Variants in NUDT5 observed in about 807,000 individuals in gnomAD.
NUDT5 encodes nudix hydrolase 5.
A neutral mutation model predicts 34.1 loss-of-function variants in NUDT5; 21 were observed. That is an observed-to-expected ratio of 0.62 (90% CI 0.44 to 0.89). NUDT5 has a LOEUF of 0.89. Ranked by LOEUF, NUDT5 falls within the 40% of genes least tolerant of loss-of-function variation. The pLI, the probability that NUDT5 is intolerant of heterozygous loss-of-function variation, is 0.00. For missense variants in NUDT5, 249 were observed against 274.8 expected, an observed-to-expected ratio of 0.91 and a Z score of 0.66; for synonymous variants, 85 against 97.6, an observed-to-expected ratio of 0.87 and a Z score of 0.76.
rs1386697193 is a variant in NUDT5, at chr10:12,184,937, C to G, written c.83G>C (p.Trp28Ser). Residue 28 changes from tryptophan (W) to serine (S), a missense_variant, in exon 3 of 10, where the codon TGG becomes TCG. By Grantham distance (177) the Trp-to-Ser change is radical. Transcript: ENST00000491614. ...ISEELISEGKWVKLEKTTYMD... is the reference protein window; with the variant it reads ...ISEELISEGKSVKLEKTTYMD... ...GTACGTTGTTTTTTCAAGCTTGACCCATTTTCCTTCTGAAATTAACTAAAA... is the reference window on the plus strand; with the variant it reads ...GTACGTTGTTTTTTCAAGCTTGACCGATTTTCCTTCTGAAATTAACTAAAA... The G allele has an allele frequency of 6.3e-7, 1 of 1,576,042 alleles. No individual in the cohort carries two copies. The highest frequency in any genetic ancestry group is 8.7e-7 in the Non-Finnish European group (1 of 1,149,506).
rs1554803754 is a variant in NUDT5, at chr10:12,187,340, CACTT to C, written c.-41-1012_-41-1009del. Among the ~76,000 whole-genome samples, 1 of 152,188 alleles carries C rather than the reference CACTT, an allele frequency of 6.6e-6. No homozygotes were observed. Among genetic ancestry groups the C allele is most frequent in the Non-Finnish European group, 1.5e-5 (1 of 68,030 alleles). On this transcript the variant is annotated intron_variant, in intron 1 of 9. Transcript: ENST00000491614. The surrounding 1 kb of genome is among the most constrained non-coding windows in gnomAD (Gnocchi z 5.4). ...GCATGAGCCACTGGACCCACCTCCC[CACTT>C]ACTTTTAAGTTTCAGCATGTATCAA...
At chr10:12,193,314 A>C (rs954638835) in intron 1 of NUDT5, among the ~76,000 whole-genome samples, 1 of 152,238 alleles carries the variant, frequency 6.6e-6, no homozygotes, top group Non-Finnish European at 1.5e-5. Flanking sequence ...AGGTGATAGC[A>C]GACATCCAGA....
Position 12,181,368 on chromosome 10 carries a change from C to T in NUDT5, c.132-2236G>A, listed in dbSNP as rs938260673. Among the ~76,000 whole-genome samples the T allele has an allele frequency of 6.6e-6, 1 of 152,194 alleles. No individual in the cohort carries two copies. Among genetic ancestry groups the T allele is most frequent in the Non-Finnish European group, 1.5e-5 (1 of 68,022 alleles). ...GTCCTGGAACCAACCCCGACAGACA[C>T]CAAGTGACAGCTGTACAGGTTGAGT... is the stretch of plus-strand genomic sequence containing the variant. On this transcript the variant is annotated intron_variant, in intron 3 of 9. Coordinates refer to ENST00000491614, the MANE Select transcript of NUDT5 (RefSeq NM_014142.4). This position sits in a 1 kb window ranked among gnomAD's most constrained non-coding sequence, Gnocchi z 5.0.
chr10:12,185,012 T>A, intron 2 of NUDT5, 56 bp from the exon 3 acceptor site: 1 of 912,578 alleles, frequency 1.1e-6, no homozygotes, highest in Non-Finnish European at 1.8e-6. Flanking sequence ...TGTTTTTATC[T>A]AAAAGGGTTT....
rs1048347816 is a variant in NUDT5, at chr10:12,182,105, G to A, written c.131+2784C>T. Among the ~76,000 whole-genome samples, 3 of 151,658 alleles carry A rather than the reference G, an allele frequency of 2.0e-5. No homozygotes were observed. Among genetic ancestry groups the A allele is most frequent in the Non-Finnish European group, 4.4e-5 (3 of 67,932 alleles). ...GACCACACCATTGCACTCTAGCCTGGGCAACAGAACAAGACTCTGTCTCAG... is the reference window on the plus strand; with the variant it reads ...GACCACACCATTGCACTCTAGCCTGAGCAACAGAACAAGACTCTGTCTCAG... On this transcript the variant is annotated intron_variant, in intron 3 of 9. Transcript: ENST00000491614. The surrounding 1 kb of genome is among the most constrained non-coding windows in gnomAD (Gnocchi z 4.3).
intron 2 of NUDT5, among the ~76,000 whole-genome samples, chr10:12,185,849 TTA>T (rs1564426557): frequency 8.5e-5 from 13 of 152,208 alleles, no homozygotes; most frequent in Admixed American, 2.0e-4. Flanking sequence ...TAGACTACAA[TTA>T]ACAACGTAGG....
rs1004526289 is a variant in NUDT5 at position 12,182,963 on chromosome 10, T to C, written c.131+1926A>G. On this transcript the variant is annotated intron_variant, in intron 3 of 9. Transcript: ENST00000491614. The surrounding 1 kb of genome is among the most constrained non-coding windows in gnomAD (Gnocchi z 4.3). ...TGTTGGCCAGGCTGGTCTCGAACTCTTGACCTCAAGTGATCCACCCACCTT... is the reference window on the plus strand; with the variant it reads ...TGTTGGCCAGGCTGGTCTCGAACTCCTGACCTCAAGTGATCCACCCACCTT... Among the ~76,000 whole-genome samples the C allele has an allele frequency of 6.6e-6, 1 of 152,128 alleles. No individual in the cohort carries two copies. The highest frequency in any genetic ancestry group is 1.5e-5 in the Non-Finnish European group (1 of 68,006).
intron 2 of NUDT5, among the ~76,000 whole-genome samples, chr10:12,185,330 C>A (rs1835108277): frequency 6.6e-6 from 1 of 152,202 alleles, no homozygotes; most frequent in Non-Finnish European, 1.5e-5. Flanking sequence ...GCATACAACA[C>A]AGGTGAGTTT....
intron 1 of NUDT5, among the ~76,000 whole-genome samples, chr10:12,194,879 A>G (rs1039078534): frequency 3.7e-5 from 4 of 108,068 alleles, no homozygotes; most frequent in African/African-American, 1.5e-4. Context: ...GCTGGTTGGT[A>G]GGCCCGGGGC....
chr10:12,178,313 C>G (rs1477960023), intron 4 of NUDT5, among the ~76,000 whole-genome samples: 5 of 152,030 alleles, frequency 3.3e-5, no homozygotes, highest in Non-Finnish European at 1.5e-5. Context: ...GTTCCACTGT[C>G]TGCAATAAAT....
intron 5 of NUDT5, 67 bp downstream of exon 5, chr10:12,177,726 A>G (rs1834977802): frequency 4.5e-6 from 5 of 1,117,526 alleles, no homozygotes; most frequent in Non-Finnish European, 6.8e-6. Flanking sequence ...TGAGCTTTGC[A>G]GTTCTCAGGC....
chr10:12,188,752 A>AG (rs1835170691), intron 1 of NUDT5, among the ~76,000 whole-genome samples: 1 of 149,988 alleles, frequency 6.7e-6, no homozygotes, highest in Non-Finnish European at 1.5e-5. Flanking sequence ...AAAAAAAAAA[A>AG]GTGGTGGTGA....
intron 1 of NUDT5, among the ~76,000 whole-genome samples, chr10:12,193,464 T>C (rs1835270377): frequency 6.6e-6 from 1 of 152,254 alleles, no homozygotes. Context: ...ACATGACTAC[T>C]GACTTTTCAG....
In NUDT5 at chr10:12,181,503, A is replaced by G. The variant is rs1463057062; in HGVS notation, c.132-2371T>C. On this transcript the variant is annotated intron_variant, in intron 3 of 9. Transcript: ENST00000491614. The surrounding 1 kb of genome is among the most constrained non-coding windows in gnomAD (Gnocchi z 5.0). ...CATGCAGGCCTTTTTGACATTTTGA[A>G]CAGTATCTTTACCCCACAGAGCAGG... 6.6e-6 allele frequency among the ~76,000 whole-genome samples: 1 copy of G among 152,146 alleles called. No homozygotes were observed. Among genetic ancestry groups the G allele is most frequent in the African/African-American group, 2.4e-5 (1 of 41,426 alleles).
intron 9 of NUDT5, 56 bp from the exon 10 acceptor site, chr10:12,167,867 C>T: frequency 6.2e-7 from 1 of 1,605,456 alleles, no homozygotes. Flanking sequence ...GACAAAACAT[C>T]TTATTCAATC....
chr10:12,186,554 A>G (rs184063304), intron 1 of NUDT5, among the ~76,000 whole-genome samples: 3 of 152,026 alleles, frequency 2.0e-5, no homozygotes, highest in Middle Eastern at 3.2e-3. Flanking sequence ...CTCAGCCACA[A>G]CAGCCAAGCT....
At chr10:12,172,955 G>A in intron 6 of NUDT5, 89 bp from the exon 7 acceptor site, 2 of 928,250 alleles carry the variant, frequency 2.2e-6, no homozygotes, top group Non-Finnish European at 3.4e-6. Flanking sequence ...CCGCAGCTCA[G>A]CATTGACGTG....
chr10:12,176,088 T>C (rs989469716), intron 5 of NUDT5, among the ~76,000 whole-genome samples: 5 of 151,068 alleles, frequency 3.3e-5, no homozygotes, highest in Non-Finnish European at 7.4e-5. Context: ...TCCCAGCTAC[T>C]CAGGAGGCTG....
chr10:12,176,387 T>C (rs1834950445), intron 5 of NUDT5, among the ~76,000 whole-genome samples: 1 of 151,678 alleles, frequency 6.6e-6, no homozygotes, highest in Non-Finnish European at 1.5e-5. Flanking sequence ...GTGGATCACC[T>C]GAGGTCAGGA....
Sources: allele counts gnomAD v4.1 joint callset (sites outside exome capture counted in the v4.1 genomes callset), GRCh38; gene constraint gnomAD v4.1.1; non-coding constraint Gnocchi (gnomAD v3.1); transcripts MANE v1.5; gene names NCBI Gene and HGNC (gene_info 2026-07-23, HGNC 2026-07-21).